The following GNE variants were observed in gnomAD, a reference collection of about 807,000 sequenced individuals.
GNE encodes glucosamine (UDP-N-acetyl)-2-epimerase/N-acetylmannosamine kinase.
A neutral mutation model predicts 61.8 loss-of-function variants in GNE; 41 were observed. The ratio of observed to expected loss-of-function variants is 0.66; its 90% CI spans 0.52 to 0.86. The LOEUF is 0.86. Among genes scored for constraint, GNE ranks in the 40% least tolerant of loss-of-function variants. GNE has a pLI of 0.00. For synonymous variants in GNE, 264 were observed against 326.4 expected, an observed-to-expected ratio of 0.81 and a Z score of 2.06; for missense variants, 608 against 909.1, an observed-to-expected ratio of 0.67 and a Z score of 4.26.
At chr9:36,271,820 G>A (rs968803036) in intron 1 of GNE, among the ~76,000 whole-genome samples, 2 of 152,110 alleles carry the variant, frequency 1.3e-5, no homozygotes, top group Non-Finnish European at 2.9e-5. Context: ...TATGACCTAC[G>A]TTTTTAAAAT....
chr9:36,251,783 A>G (rs1037151615), intron 1 of GNE, among the ~76,000 whole-genome samples: 117 of 152,092 alleles, frequency 7.7e-4, no homozygotes, highest in African/African-American at 2.6e-3. Flanking sequence ...TGGAAATTCC[A>G]TCAGTAGCCC....
rs1257152105 is a variant in GNE, at chr9:36,216,440, A to G, written c.*925T>C. ...AACCTCCGCCTCCCGGGTTCAAGCA[A>G]TTCTCCTGCCTCAGCCTCCCGAGTA... On this transcript the variant is annotated 3_prime_UTR_variant, in exon 12 of 12. Transcript: ENST00000642385. 9.9e-6 allele frequency: 3 copies of G among 302,596 alleles called. No homozygotes were observed. The highest frequency in any genetic ancestry group is 3.5e-5 in the Admixed American group (1 of 28,632). The allele number at this position is 302,596 out of a possible 1,614,324, so 18.7% of individuals were successfully genotyped here.
chr9:36,265,211 G>A (rs564824345), intron 1 of GNE: 23 of 351,946 alleles, frequency 6.5e-5, no homozygotes, highest in Non-Finnish European at 1.2e-4. Context: ...TGGGTTCTAC[G>A]GTTCTCTTCC....
chr9:36,223,047 G>A, intron 8 of GNE, 49 bp from the exon 9 acceptor site: 1 of 1,515,436 alleles, frequency 6.6e-7, no homozygotes, highest in Non-Finnish European at 9.2e-7. Flanking sequence ...AGCAATCTCA[G>A]GAAAGTATGC....
At chr9:36,270,516 C>CT (rs1172459956) in intron 1 of GNE, among the ~76,000 whole-genome samples, 1,648 of 131,616 alleles carry the variant, frequency 0.013, 25 homozygotes, top group African/African-American at 0.033. Context: ...GGATTTCTTT[C>CT]TTTTTTTTTT....
chr9:36,254,047 AAAG>A (rs1253593878), intron 1 of GNE, among the ~76,000 whole-genome samples: 2 of 151,440 alleles, frequency 1.3e-5, no homozygotes, highest in Non-Finnish European at 2.9e-5. Flanking sequence ...AAAAAAAGAA[AAAG>A]AAAAATTAGC....
chr9:36,272,223 C>G (rs1831054241), intron 1 of GNE, among the ~76,000 whole-genome samples: 1 of 152,170 alleles, frequency 6.6e-6, no homozygotes, highest in Non-Finnish European at 1.5e-5. Flanking sequence ...GTCAGTTCAG[C>G]AAGGGCCTTG....
intron 9 of GNE, among the ~76,000 whole-genome samples, chr9:36,222,558 A>T (rs1182016118): frequency 6.6e-6 from 1 of 152,258 alleles, no homozygotes; most frequent in African/African-American, 2.4e-5. Context: ...CTGGGAAATA[A>T]GAGCTTTGAA....
In GNE at chr9:36,263,941, C is replaced by T. The variant is rs745723488; in HGVS notation, c.51+12953G>A. ...TCTGAAACATCTGGACTGGGGAATA[C>T]GGAGAGGACTGGCCAGTTGGAAATG... On this transcript the variant is annotated intron_variant, in intron 1 of 11. Coordinates refer to the GNE transcript ENST00000396594. Among the ~76,000 whole-genome samples the T allele has an allele frequency of 3.9e-5, 6 of 151,924 alleles. No individual in the cohort carries two copies. In the South Asian group the frequency reaches 8.3e-4, roughly 21 times the overall value.
rs375956577 is a variant in GNE at position 36,272,546 on chromosome 9, G to A, written c.51+4348C>T. ...TGAGGCAGGAGAATGGTGTGAACCC[G>A]GGAGGCGGAGCTTGCAGTGAGCCAA... is the stretch of plus-strand genomic sequence containing the variant. On this transcript the variant is annotated intron_variant, in intron 1 of 11. Transcript: ENST00000396594. Among the ~76,000 whole-genome samples, 14 of 144,032 alleles carry A rather than the reference G, an allele frequency of 9.7e-5. No individual in the cohort carries two copies. In the East Asian group the frequency reaches 1.9e-3, roughly 19 times the overall value. The allele number at this position is 144,032 out of a possible 152,430, so 94.5% of individuals were successfully genotyped here. A position where few individuals can be genotyped will look rare whatever the true frequency, so the allele number is the denominator to read the frequency against.
intron 6 of GNE, among the ~76,000 whole-genome samples, chr9:36,227,748 T>TA (rs1366384274): frequency 2.0e-5 from 3 of 151,744 alleles, no homozygotes. Context: ...TTTAAAGAAA[T>TA]AAATAGGCTG....
intron 1 of GNE, among the ~76,000 whole-genome samples, chr9:36,268,467 A>AGGGGAC: frequency 6.6e-6 from 1 of 152,224 alleles, no homozygotes; most frequent in South Asian, 2.1e-4. Flanking sequence ...GGAGTTCAAG[A>AGGGGAC]CCAGCATGGG....
Position 36,216,997 on chromosome 9 carries a change from A to G in GNE, c.*368T>C. On this transcript the variant is annotated 3_prime_UTR_variant, in exon 12 of 12. Transcript: ENST00000642385. ...TGGAAGGATTATTAATGCAAACTTC[A>G]GGATGAAGTGATATCCCAGGCAAGG... 1 of 331,780 alleles carries G rather than the reference A, an allele frequency of 3.0e-6. No homozygotes were observed. Among genetic ancestry groups the G allele is most frequent in the South Asian group, 2.6e-5 (1 of 38,266 alleles). The allele number at this position is 331,780 out of a possible 1,614,324, so 20.6% of individuals were successfully genotyped here.
chr9:36,264,214 C>T (rs1428052489), intron 1 of GNE, among the ~76,000 whole-genome samples: 2 of 152,072 alleles, frequency 1.3e-5, no homozygotes, highest in African/African-American at 2.4e-5. Context: ...CTCACTGCAA[C>T]CTCCACCTCC....
chr9:36,223,585 A>G, intron 7 of GNE, 83 bp from the exon 8 acceptor site: 1 of 1,389,898 alleles, frequency 7.2e-7, no homozygotes, highest in Non-Finnish European at 1.0e-6. Context: ...TTCATGACAA[A>G]TTAGACACTG....
intron 1 of GNE, among the ~76,000 whole-genome samples, chr9:36,256,567 A>G (rs780089774): frequency 3.3e-5 from 5 of 152,192 alleles, no homozygotes; most frequent in African/African-American, 7.2e-5. Context: ...CTTAAAGACT[A>G]CTTTCTGCAT....
chr9:36,224,484 C>A (rs1279061363), intron 7 of GNE, among the ~76,000 whole-genome samples: 1 of 152,026 alleles, frequency 6.6e-6, no homozygotes, highest in Admixed American at 6.6e-5. Context: ...GAGCTTTAAT[C>A]ATCTCCTGTA....
At chr9:36,274,324 G>T (rs1302737790) in intron 1 of GNE, among the ~76,000 whole-genome samples, 2 of 151,926 alleles carry the variant, frequency 1.3e-5, no homozygotes, top group East Asian at 3.9e-4. Flanking sequence ...TTGAACTCCT[G>T]GCCTCAAGCA....
intron 2 of GNE, among the ~76,000 whole-genome samples, chr9:36,248,823 T>A (rs114642999): frequency 0.011 from 1,683 of 152,260 alleles, 32 homozygotes; most frequent in African/African-American, 0.037. Context: ...CACAAAACAG[T>A]TTACATGGAA....
Sources: allele counts gnomAD v4.1 joint callset (sites outside exome capture counted in the v4.1 genomes callset), GRCh38; gene constraint gnomAD v4.1.1; transcripts MANE v1.5; gene names NCBI Gene and HGNC (gene_info 2026-07-23, HGNC 2026-07-21).